Variants in PTPRD observed in about 807,000 individuals in gnomAD.
The protein encoded by PTPRD is receptor-type tyrosine-protein phosphatase delta.
A neutral mutation model predicts 214.5 loss-of-function variants in PTPRD; 34 were observed. The observed-to-expected ratio is 0.16, with a 90% CI of 0.12 to 0.21. The LOEUF (loss-of-function observed/expected upper bound fraction) is 0.21. Ranked by LOEUF, PTPRD falls within the 10% of genes least tolerant of loss-of-function variation. PTPRD has a pLI of 1.00. For missense variants in PTPRD, 2,545 were observed against 2,398.7 expected (o/e 1.06, Z -1.27); for synonymous variants, 1,128 against 845.7 (o/e 1.33, Z -5.79).
intron 3 of PTPRD, among the ~76,000 whole-genome samples, chr9:10,294,269 T>C (rs1196069041): frequency 6.6e-6 from 1 of 151,908 alleles, no homozygotes; most frequent in African/African-American, 2.4e-5. Context: ...TCAGTGGTTC[T>C]GAGTACAATG....
At chr9:9,182,838 T>C (rs1593082650) in intron 10 of PTPRD, among the ~76,000 whole-genome samples, 3 of 152,002 alleles carry the variant, frequency 2.0e-5, no homozygotes, top group African/African-American at 7.2e-5. Flanking sequence ...ACTAATCTGT[T>C]TTCTCACTTT....
intron 4 of PTPRD, among the ~76,000 whole-genome samples, chr9:10,000,105 G>T (rs1475610120): frequency 6.6e-6 from 1 of 152,136 alleles, no homozygotes; most frequent in Admixed American, 6.6e-5. Flanking sequence ...TATAAAAATT[G>T]CCTAAGCCTA....
intron 10 of PTPRD, among the ~76,000 whole-genome samples, chr9:9,084,586 G>T (rs1281125851): frequency 3.9e-5 from 6 of 151,990 alleles, no homozygotes; most frequent in African/African-American, 1.4e-4. Context: ...ACACATTTCT[G>T]GGAGCCAAAG....
intron 44 of PTPRD, among the ~76,000 whole-genome samples, chr9:8,329,977 G>A (rs568406052): frequency 9.9e-5 from 15 of 151,424 alleles, no homozygotes; most frequent in African/African-American, 3.2e-4. Context: ...TATCTTGCTG[G>A]GCTCTGTGGG....
chr9:8,934,436 A>AATTTATATATATATAT, intron 11 of PTPRD, among the ~76,000 whole-genome samples: 1 of 30,324 alleles, frequency 3.3e-5, no homozygotes, highest in Admixed American at 4.8e-4. Flanking sequence ...TATATATATA[A>AATTTATATATATATAT]ATATATATAT....
At chr9:9,919,667 G>A (rs1435492625) in intron 5 of PTPRD, among the ~76,000 whole-genome samples, 3 of 152,142 alleles carry the variant, frequency 2.0e-5, no homozygotes, top group Non-Finnish European at 4.4e-5. Flanking sequence ...GCAGCTTAAT[G>A]ATTTGCATTT....
At chr9:8,980,903 A>C (rs1208160781) in intron 11 of PTPRD, among the ~76,000 whole-genome samples, 1 of 152,056 alleles carries the variant, frequency 6.6e-6, no homozygotes, top group Non-Finnish European at 1.5e-5. Flanking sequence ...GCATTTTTTC[A>C]GGCCAAAATT....
At chr9:10,583,206 T>G (rs2072622112) in intron 2 of PTPRD, among the ~76,000 whole-genome samples, 1 of 152,164 alleles carries the variant, frequency 6.6e-6, no homozygotes, top group South Asian at 2.1e-4. Context: ...AAAGTTATTG[T>G]GGAAGAAGGA....
intron 5 of PTPRD, among the ~76,000 whole-genome samples, chr9:9,808,171 A>C (rs536089011): frequency 1.3e-4 from 20 of 152,196 alleles, no homozygotes; most frequent in Non-Finnish European, 2.4e-4. Context: ...TGCATACTTC[A>C]TAACTATTAT....
chr9:9,712,339 G>A (rs2097753239), intron 7 of PTPRD, among the ~76,000 whole-genome samples: 1 of 152,016 alleles, frequency 6.6e-6, no homozygotes, highest in Non-Finnish European at 1.5e-5. Flanking sequence ...TCAGCCTAGG[G>A]ACACAGTGAT....
intron 2 of PTPRD, among the ~76,000 whole-genome samples, chr9:10,485,741 T>C (rs2099128403): frequency 6.6e-6 from 1 of 151,916 alleles, no homozygotes; most frequent in African/African-American, 2.4e-5. Context: ...TGTTTATCAG[T>C]TCTAGTATTT....
chr9:8,523,432 A>G, intron 19 of PTPRD, 81 bp downstream of exon 19: 1 of 1,486,578 alleles, frequency 6.7e-7, no homozygotes, highest in Non-Finnish European at 9.3e-7. Flanking sequence ...CAATGCAGCT[A>G]CATTCATTTC....
chr9:9,228,113 T>G (rs925267352), intron 9 of PTPRD, among the ~76,000 whole-genome samples: 1 of 152,134 alleles, frequency 6.6e-6, no homozygotes, highest in Non-Finnish European at 1.5e-5. Context: ...CAAATATAGA[T>G]GAATTACATT....
At chr9:8,974,329 G>A (rs2099256002) in intron 11 of PTPRD, among the ~76,000 whole-genome samples, 1 of 151,898 alleles carries the variant, frequency 6.6e-6, no homozygotes, top group Non-Finnish European at 1.5e-5. Context: ...GCTTGTTTTT[G>A]TCAGAAATTG....
intron 7 of PTPRD, among the ~76,000 whole-genome samples, chr9:9,706,013 A>G (rs1250338872): frequency 2.0e-5 from 3 of 152,182 alleles, no homozygotes; most frequent in Non-Finnish European, 4.4e-5. Context: ...TAAAATGGAC[A>G]TGATAATATC....
At chr9:8,780,776 T>A (rs1343897647) in intron 11 of PTPRD, among the ~76,000 whole-genome samples, 1 of 152,154 alleles carries the variant, frequency 6.6e-6, no homozygotes. Flanking sequence ...AACAAATAAG[T>A]CATCCTTAAA....
chr9:10,284,925 T>A (rs2095292899), intron 3 of PTPRD, among the ~76,000 whole-genome samples: 1 of 152,194 alleles, frequency 6.6e-6, no homozygotes, highest in African/African-American at 2.4e-5. Context: ...CATTCACACA[T>A]AGTCTATAAC....
chr9:9,298,881 G>A (rs777067820), intron 9 of PTPRD, among the ~76,000 whole-genome samples: 11 of 151,750 alleles, frequency 7.2e-5, no homozygotes, highest in Non-Finnish European at 2.9e-5. Flanking sequence ...TATTAATCCT[G>A]TCAGCAATAC....
intron 2 of PTPRD, among the ~76,000 whole-genome samples, chr9:10,454,365 T>C (rs894036258): frequency 1.3e-5 from 2 of 151,614 alleles, no homozygotes; most frequent in African/African-American, 4.8e-5. Flanking sequence ...AGTCTAATCA[T>C]GACAATACAT....
Sources: allele counts gnomAD v4.1 joint callset (sites outside exome capture counted in the v4.1 genomes callset), GRCh38; gene constraint gnomAD v4.1.1; transcripts MANE v1.5; gene names NCBI Gene and HGNC (gene_info 2026-07-23, HGNC 2026-07-21).